Variants in CAPN12 observed in about 807,000 individuals in gnomAD.
CAPN12 encodes the protein calpain-12.
A neutral mutation model predicts 95.0 loss-of-function variants in CAPN12; 107 were observed. The observed-to-expected ratio is 1.13, with a 90% CI of 0.96 to 1.32. The LOEUF is 1.32. CAPN12 is among the 40% of genes most tolerant of loss of function. The pLI is 0.00. For missense variants in CAPN12, 1,136 were observed against 997.8 expected (o/e 1.14, Z -1.87); for synonymous variants, 505 against 415.5 (o/e 1.22, Z -2.62).
chr19:38,733,811 CTCCATGCCCTGAAGAGGGCTGCCA>C, intron 17 of CAPN12, 30 bp from the exon 18 acceptor site: 1 of 1,576,858 alleles, frequency 6.3e-7, no homozygotes, highest in East Asian at 2.2e-5. Flanking sequence ...CAGGGCTGCC[CTCCATGCCCTGAAGAGGGCTGCCA>C]ATGGGGCCTC....
chr19:38,742,891 A>AGGAGGGAGAGAGAGGC, intron 2 of CAPN12, 142 bp downstream of exon 2: 1 of 327,104 alleles, frequency 3.1e-6, no homozygotes, highest in South Asian at 3.3e-5. Flanking sequence ...GGAAGGAGGG[A>AGGAGGGAGAGAGAGGC]GGAGGGAGAG....
intron 1 of CAPN12, 88 bp downstream of exon 1, chr19:38,743,841 C>A (rs1031071572): frequency 2.3e-6 from 3 of 1,330,218 alleles, no homozygotes; most frequent in East Asian, 4.8e-5. Context: ...AGTCCAGGCC[C>A]CCAGCCTTCC....
chr19:38,734,172 C>T lies in CAPN12; in HGVS notation c.1848G>A (p.Gln616=). The change falls in exon 17 of 21, where the codon CAG becomes CAA. Residue 616 remains glutamine, a synonymous_variant. Transcript: ENST00000328867. ...ACTCCAGGAGGTAGCCCCAGAGCTGCTGGAAGTGGTGTAAGGCCAGGCTTT... is the reference window on the plus strand; with the variant it reads ...ACTCCAGGAGGTAGCCCCAGAGCTGTTGGAAGTGGTGTAAGGCCAGGCTTT... ...HGQSLALHHF[Q]QLWGYLLEWQ... is the part of the protein sequence containing the mutation. The T allele has an allele frequency of 6.2e-6, 10 of 1,613,022 alleles. No homozygotes were observed. Among genetic ancestry groups the T allele is most frequent in the Non-Finnish European group, 8.5e-6 (10 of 1,179,888 alleles).
Position 38,735,535 on chromosome 19 carries a change from G to A in CAPN12, c.1593C>T (p.Asp531=), listed in dbSNP as rs756364209. The change falls in exon 13 of 21, where the codon GAC becomes GAT. Residue 531 remains aspartate, a synonymous_variant. Coordinates refer to ENST00000328867, the MANE Select transcript of CAPN12 (RefSeq NM_144691.4). ...ACTGCAGGTCTGCGCTGATCACGTC[G>A]TCGATCTCCCTGCAAATTACAGATG... is the stretch of plus-strand genomic sequence containing the variant. The part of the protein sequence containing the change: ...SERRHTAVEI[D]DVISADLQSL... 1.6e-5 allele frequency: 25 copies of A among 1,610,254 alleles called. No homozygotes were observed. Among genetic ancestry groups the A allele is most frequent in the Non-Finnish European group, 1.9e-5 (22 of 1,179,276 alleles).
At position 38,742,503 on chromosome 19, in the gene CAPN12, G is replaced by A. The variant is rs556523477; in HGVS notation, c.333C>T (p.Ala111=). 3.9e-5 allele frequency: 63 copies of A among 1,612,876 alleles called. No individual in the cohort carries two copies. The highest frequency in any genetic ancestry group is 1.0e-4 in the Admixed American group (6 of 59,790). The change falls in exon 3 of 21, where the codon GCC becomes GCT. Residue 111 remains alanine (A), a synonymous_variant. Transcript: ENST00000328867. ...GCCGGGGATACAGAGTAAGGGAGGCGGCAGCTGCAAGGAACCAGCAGTTAC... is the reference window on the plus strand; with the variant it reads ...GCCGGGGATACAGAGTAAGGGAGGCAGCAGCTGCAAGGAACCAGCAGTTAC... ...SLGNCWFLAA[A]ASLTLYPRLL... is the part of the protein sequence containing the mutation.
At chr19:38,743,552 A>C in intron 1 of CAPN12, among the ~76,000 whole-genome samples, 1 of 76,228 alleles carries the variant, frequency 1.3e-5, no homozygotes. Flanking sequence ...GTCCAGGTCC[A>C]GCCCCTCCTC....
chr19:38,733,822 G>A (rs1327648030), intron 17 of CAPN12, 41 bp from the exon 18 acceptor site: 2 of 1,536,200 alleles, frequency 1.3e-6, no homozygotes, highest in Admixed American at 1.7e-5. Flanking sequence ...TCCATGCCCT[G>A]AAGAGGGCTG....
intron 5 of CAPN12, chr19:38,739,747 A>C: frequency 9.0e-6 from 2 of 223,136 alleles, no homozygotes; most frequent in Non-Finnish European, 1.7e-5. Flanking sequence ...CTAGGGTGGT[A>C]GGAGATACCT....
Position 38,737,612 on chromosome 19 carries a change from T to A in CAPN12, c.992A>T (p.His331Leu), listed in dbSNP as rs1970294744. ...FWMELRDFLL[H>L]FDTVQICSLS... is the part of the protein sequence containing the mutation. Reference sequence around the variant, plus strand: ...CGAGCAGATCTGCACGGTGTCGAAATGGAGGAGGAAGTCCCGCAGCTCCAT... The same window carrying A: ...CGAGCAGATCTGCACGGTGTCGAAAAGGAGGAGGAAGTCCCGCAGCTCCAT... Residue 331 changes from histidine to leucine, a missense_variant, in exon 9 of 21, where the codon CAT (histidine) becomes CTT (leucine). Physicochemically the swap from His to Leu is moderately conservative, Grantham distance 99 (BLOSUM62 -3). Transcript: ENST00000328867. The A allele has an allele frequency of 6.2e-7, 1 of 1,607,852 alleles. No homozygotes were observed. The highest frequency in any genetic ancestry group is 8.5e-7 in the Non-Finnish European group (1 of 1,177,054).
At position 38,744,071 on chromosome 19, in the gene CAPN12, T is replaced by C; in HGVS notation, c.95A>G (p.Tyr32Cys). ...CAGGCAGGCTGCCCGAATTGCCTCA[T>C]AGCTCTGGCCCCGAAAAAGCTGCAG... ...GRLQLFRGQS[Y>C]EAIRAACLDS... Residue 32 changes from tyrosine to cysteine, a missense_variant, in exon 1 of 21, where the codon TAT becomes TGT. Tyr to Cys is a radical substitution (Grantham distance 194). Coordinates refer to ENST00000328867, the MANE Select transcript of CAPN12 (RefSeq NM_144691.4). 1 of 1,614,178 alleles carries C rather than the reference T, an allele frequency of 6.2e-7. No individual in the cohort carries two copies. Among genetic ancestry groups the C allele is most frequent in the East Asian group, 2.2e-5 (1 of 44,880 alleles).
intron 17 of CAPN12, 93 bp downstream of exon 17, chr19:38,734,049 G>A (rs1445821405): frequency 2.1e-5 from 29 of 1,404,606 alleles, no homozygotes; most frequent in South Asian, 8.9e-5. Flanking sequence ...GTACCCCCTC[G>A]TTCCCTGGGG....
At chr19:38,743,164 G>A in intron 1 of CAPN12, 62 bp from the exon 2 acceptor site, 1 of 1,590,810 alleles carries the variant, frequency 6.3e-7, no homozygotes, top group Non-Finnish European at 8.6e-7. Flanking sequence ...CTCATCCAGA[G>A]GAGTGAGGGC....
At position 38,730,231 on chromosome 19, in the gene CAPN12, T is replaced by C. The variant is rs1969470948; in HGVS notation, c.*621A>G. On this transcript the variant is annotated 3_prime_UTR_variant, in exon 21 of 21. Transcript: ENST00000328867. ...ACTTTATTAACTTACGGATTTATTATATAAATATATATTCACCTAGCAACA... is the reference window on the plus strand; with the variant it reads ...ACTTTATTAACTTACGGATTTATTACATAAATATATATTCACCTAGCAACA... 1 of 157,444 alleles carries C rather than the reference T, an allele frequency of 6.4e-6. No homozygotes were observed. Among genetic ancestry groups the C allele is most frequent in the Non-Finnish European group, 1.4e-5 (1 of 71,068 alleles). The allele number at this position is 157,444 out of a possible 1,614,324, so 9.8% of individuals were successfully genotyped here.
At chr19:38,742,850 C>CAAAAAAAAAAAAAAAAAAA (rs11406594) in intron 2 of CAPN12, among the ~76,000 whole-genome samples, 183 bp downstream of exon 2, 7 of 53,294 alleles carry the variant, frequency 1.3e-4, no homozygotes, top group East Asian at 6.5e-4. Flanking sequence ...GACCCCATCT[C>CAAAAAAAAAAAAAAAAAAA]AAAAAAAAAA....
rs372638469 is a variant in CAPN12, at chr19:38,731,149, C to T, written c.2032G>A (p.Glu678Lys). The T allele has an allele frequency of 1.9e-5, 31 of 1,612,986 alleles. No individual in the cohort carries two copies. The highest frequency in any genetic ancestry group is 9.3e-5 in the African/African-American group (7 of 74,904). ...YRDSRLRVDF[E>K]RFVSCVAHLT... ...TGGGCCACACAGGACACGAACCGCT[C>T]GAAGTCCACACGCAGACGGCTATCC... is the stretch of plus-strand genomic sequence containing the variant. Residue 678 changes from glutamate to lysine, a missense_variant, in exon 19 of 21, where the codon GAG becomes AAG. Coordinates refer to ENST00000328867, the MANE Select transcript of CAPN12 (RefSeq NM_144691.4).
chr19:38,735,608 G>A (rs113415084), intron 12 of CAPN12, 64 bp from the exon 13 acceptor site: 5 of 1,557,188 alleles, frequency 3.2e-6, no homozygotes, highest in East Asian at 2.3e-5. Context: ...GTGTGGGACG[G>A]GGTCTCAGGT....
At chr19:38,738,670 G>A in intron 5 of CAPN12, 22 bp from the exon 6 acceptor site, 4 of 1,612,946 alleles carry the variant, frequency 2.5e-6, no homozygotes, top group Non-Finnish European at 3.4e-6. Flanking sequence ...ATGGGATGGT[G>A]AGGCCAAGGT....
intron 2 of CAPN12, 144 bp from the exon 3 acceptor site, chr19:38,742,672 G>A (rs994391550): frequency 3.2e-6 from 2 of 633,700 alleles, no homozygotes; most frequent in East Asian, 2.8e-5. Flanking sequence ...GGCCAACATG[G>A]CAAGACTCCA....
rs1209524626 is a variant in CAPN12 at position 38,730,996 on chromosome 19, C to G, written c.2102G>C (p.Gly701Ala). 6.4e-7 allele frequency: 1 copy of G among 1,551,698 alleles called. No homozygotes were observed. Among genetic ancestry groups the G allele is most frequent in the Non-Finnish European group, 8.7e-7 (1 of 1,147,730 alleles). Residue 701 changes from glycine (G) to alanine (A), a missense_variant, in exon 20 of 21, where the codon GGT becomes GCT. Transcript: ENST00000328867. ...FCHCSQHLDG[G>A]EGVICLTHRQ... ...GTGGGTCAGGCAGATGACCCCCTCA[C>G]CCCCATCCAGGTGCTGGCTGCAGTG...
Sources: allele counts gnomAD v4.1 joint callset (sites outside exome capture counted in the v4.1 genomes callset), GRCh38; gene constraint gnomAD v4.1.1; transcripts MANE v1.5; gene names NCBI Gene and HGNC (gene_info 2026-07-23, HGNC 2026-07-21).